Variants in ITPR3 observed in about 807,000 individuals in gnomAD.
The protein encoded by ITPR3 is inositol 1,4,5-trisphosphate receptor type 3.
Under a neutral mutation model 293.2 loss-of-function variants are expected in ITPR3, and 173 were observed. The ratio of observed to expected loss-of-function variants is 0.59; its 90% CI spans 0.52 to 0.67. ITPR3 has a LOEUF of 0.67. Ranked by LOEUF, ITPR3 falls within the 30% of genes least tolerant of loss-of-function variation. The probability of loss-of-function intolerance (pLI) is 0.00; values close to 1 mark genes in which losing one functional copy is unlikely to be tolerated. For synonymous variants in ITPR3, 1,295 were observed against 1,444.4 expected, an observed-to-expected ratio of 0.90 and a Z score of 2.35; for missense variants, 2,796 against 3,592.1, an observed-to-expected ratio of 0.78 and a Z score of 5.66.
chr6:33,688,902 A>C (rs1582166059), intron 49 of ITPR3, 121 bp downstream of exon 49: 3 of 1,326,078 alleles, frequency 2.3e-6, no homozygotes. Context: ...GTGCAGAAGC[A>C]CCCCCTGCGC....
chr6:33,655,979 C>A lies in ITPR3; in HGVS notation c.282+92C>A. 1 of 1,534,402 alleles carries A rather than the reference C, an allele frequency of 6.5e-7. No homozygotes were observed. Among genetic ancestry groups the A allele is most frequent in the Admixed American group, 1.8e-5 (1 of 54,938 alleles). On this transcript the variant is annotated intron_variant, in intron 3 of 57. Coordinates refer to ENST00000605930, the MANE Select transcript of ITPR3 (RefSeq NM_002224.4). The surrounding 1 kb of genome is among the most constrained non-coding windows in gnomAD (Gnocchi z 4.9). ...TGCTGCTTGTCGGAGCCAGTAGGGG[C>A]TCTGTGGCTGAGCTGAGTGGTTTCT...
intron 27 of ITPR3, 151 bp from the exon 28 acceptor site, chr6:33,677,353 C>G: frequency 9.6e-7 from 1 of 1,047,048 alleles, no homozygotes; most frequent in Non-Finnish European, 1.4e-6. Flanking sequence ...TTTAGTGCTT[C>G]CCTAGCCTGT....
rs753506451 is a variant in ITPR3 at position 33,695,751 on chromosome 6, G to A, written c.7987G>A (p.Val2663Met). 2 of 1,614,054 alleles carry A rather than the reference G, an allele frequency of 1.2e-6. No homozygotes were observed. Among genetic ancestry groups the A allele is most frequent in the Non-Finnish European group, 1.7e-6 (2 of 1,180,040 alleles). The change falls in exon 58 of 58, where the codon GTG becomes ATG. Residue 2663 changes from valine (V) to methionine (M), a missense_variant. Around this residue, in one of 8 missense-constraint regions of ITPR3, gnomAD observed 568 missense variants for 796.1 expected, o/e 0.71. Coordinates refer to ENST00000605930, the MANE Select transcript of ITPR3 (RefSeq NM_002224.4). Reference protein sequence around the residue: ...QRKRRQRLGFVDVQNCISR With the variant: ...QRKRRQRLGFMDVQNCISR Reference sequence around the variant, plus strand: ...GAAACGCAGGCAACGCCTAGGCTTTGTGGATGTCCAGAACTGCATTAGCCG... The same window carrying A: ...GAAACGCAGGCAACGCCTAGGCTTTATGGATGTCCAGAACTGCATTAGCCG...
At chr6:33,648,040 A>C (rs1764107443) in intron 2 of ITPR3, among the ~76,000 whole-genome samples, 1 of 150,164 alleles carries the variant, frequency 6.7e-6, no homozygotes, top group South Asian at 2.1e-4. Flanking sequence ...GTGTCTCCAA[A>C]TGTTATGATT....
At chr6:33,634,438 C>G (rs1323774321) in intron 1 of ITPR3, among the ~76,000 whole-genome samples, 2 of 152,192 alleles carry the variant, frequency 1.3e-5, no homozygotes, top group Non-Finnish European at 2.9e-5. Context: ...AGTCCTCACT[C>G]CTGACCGACC....
At chr6:33,661,146 G>A (rs943150425) in intron 7 of ITPR3, among the ~76,000 whole-genome samples, 10 of 152,206 alleles carry the variant, frequency 6.6e-5, no homozygotes, top group Middle Eastern at 3.2e-3. Context: ...TTCTGCCATA[G>A]TAACTGACCC....
In ITPR3 at chr6:33,669,086, A is replaced by G; in HGVS notation, c.2119A>G (p.Ser707Gly). 1 of 1,614,146 alleles carries G rather than the reference A, an allele frequency of 6.2e-7. No individual in the cohort carries two copies. ...CAAGAATAACGAGCATCATGAGAAG[A>G]GTGTGAGGCAGCTGGCCCAGGAGGC... Reference protein sequence around the residue: ...TDKNNEHHEKSVRQLAQEARA... With the variant: ...TDKNNEHHEKGVRQLAQEARA... Residue 707 changes from serine to glycine, a missense_variant, in exon 18 of 58, where the codon AGT becomes GGT. By Grantham distance (56) the Ser-to-Gly change is moderately conservative (BLOSUM62 0). This residue lies in a region of ITPR3 where 955 missense variants were observed against 1,180.8 expected (regional missense o/e 0.81). Transcript: ENST00000605930.
rs199734536 is a variant in ITPR3 at position 33,684,585 on chromosome 6, C to T, written c.5047-13C>T. The T allele has an allele frequency of 1.5e-4, 243 of 1,613,642 alleles. 1 individual carries two copies. In the Middle Eastern group the frequency reaches 4.3e-3, roughly 28 times the overall value. On this transcript the variant is annotated splice_polypyrimidine_tract_variant and intron_variant, in intron 37 of 57. Transcript: ENST00000605930. The surrounding 1 kb of genome is among the most constrained non-coding windows in gnomAD (Gnocchi z 4.2). Reference sequence around the variant, plus strand: ...TGTACCCACAATGGGGCCTCACTCCCATCCTCCCCCAGGGCAACCAGCTGC... The same window carrying T: ...TGTACCCACAATGGGGCCTCACTCCTATCCTCCCCCAGGGCAACCAGCTGC...
chr6:33,632,908 G>A lies in ITPR3; in HGVS notation c.90-7576G>A, dbSNP rs1424806444. Among the ~76,000 whole-genome samples the A allele has an allele frequency of 1.3e-5, 2 of 152,216 alleles. No individual in the cohort carries two copies. Among genetic ancestry groups the A allele is most frequent in the Non-Finnish European group, 2.9e-5 (2 of 68,034 alleles). On this transcript the variant is annotated intron_variant, in intron 1 of 57. Transcript: ENST00000605930. The surrounding 1 kb of genome is among the most constrained non-coding windows in gnomAD (Gnocchi z 4.1). ...ACCACACCCAGCACATAGTAGGCTC[G>A]TGGTGAGGTCTGTCGAGTAGATGGA...
rs764925080 is a variant in ITPR3, at chr6:33,687,299, G to T, written c.6149G>T (p.Gly2050Val). Residue 2050 changes from glycine (G) to valine (V), a missense_variant, in exon 45 of 58, where the codon GGC becomes GTC. Around this residue, in one of 8 missense-constraint regions of ITPR3, gnomAD observed 704 missense variants for 797.5 expected, o/e 0.88. Transcript: ENST00000605930. The surrounding 1 kb of genome is among the most constrained non-coding windows in gnomAD (Gnocchi z 5.3). The part of the protein sequence containing the change: ...ENSEVSPREV[G>V]HNIYILALQL... The stretch of plus-strand genomic sequence containing the variant: ...TCGGAGGTGAGCCCACGTGAAGTGG[G>T]CCATAACATCTATATCCTGGCGCTG... 6.2e-7 allele frequency: 1 copy of T among 1,612,950 alleles called. No individual in the cohort carries two copies. The highest frequency in any genetic ancestry group is 1.7e-5 in the Admixed American group (1 of 59,978).
intron 1 of ITPR3, among the ~76,000 whole-genome samples, chr6:33,636,607 A>G (rs1220328395): frequency 2.0e-5 from 3 of 151,936 alleles, no homozygotes; most frequent in African/African-American, 7.3e-5. Flanking sequence ...TGGAGTTGCC[A>G]TCGACTGAGA....
Position 33,684,711 on chromosome 6 carries a change from C to A in ITPR3, c.5137+23C>A. 1 of 1,612,504 alleles carries A rather than the reference C, an allele frequency of 6.2e-7. No individual in the cohort carries two copies. Among genetic ancestry groups the A allele is most frequent in the Non-Finnish European group, 8.5e-7 (1 of 1,179,024 alleles). On this transcript the variant is annotated intron_variant, in intron 38 of 57. Transcript: ENST00000605930. This position sits in a 1 kb window ranked among gnomAD's most constrained non-coding sequence, Gnocchi z 4.2. ...CTGGTCAGTATCACCTTCCCCTGCCCCCGGGCCCTCCCTTCCACTCTCCTG... is the reference window on the plus strand; with the variant it reads ...CTGGTCAGTATCACCTTCCCCTGCCACCGGGCCCTCCCTTCCACTCTCCTG...
Position 33,654,673 on chromosome 6 carries a change from C to T in ITPR3, c.161-1093C>T, listed in dbSNP as rs1764266757. 1.3e-5 allele frequency among the ~76,000 whole-genome samples: 2 copies of T among 152,180 alleles called. No individual in the cohort carries two copies. The highest frequency in any genetic ancestry group is 4.8e-5 in the African/African-American group (2 of 41,444). On this transcript the variant is annotated intron_variant, in intron 2 of 57. Transcript: ENST00000605930. The surrounding 1 kb of genome is among the most constrained non-coding windows in gnomAD (Gnocchi z 4.1). The stretch of plus-strand genomic sequence containing the variant: ...CGAGTGGCTCTCTCCTCTCCAGTCT[C>T]CCCACACAGCCATCTCCTTTCTGTT...
At position 33,687,033 on chromosome 6, in the gene ITPR3, G is replaced by T; in HGVS notation, c.6004G>T (p.Ala2002Ser). ...GGACAATGCCTCCAAGCTGCTCCTG[G>T]CTCTGATGGAGAGCCGGCATGACAG... ...LKDNASKLLL[A>S]LMESRHDSEN... Residue 2002 changes from alanine (A) to serine (S), a missense_variant, in exon 44 of 58, where the codon GCT becomes TCT. Coordinates refer to ENST00000605930, the MANE Select transcript of ITPR3 (RefSeq NM_002224.4). The surrounding 1 kb of genome is among the most constrained non-coding windows in gnomAD (Gnocchi z 5.3). 6.2e-7 allele frequency: 1 copy of T among 1,613,990 alleles called. No homozygotes were observed. Among genetic ancestry groups the T allele is most frequent in the South Asian group, 1.1e-5 (1 of 91,078 alleles).
At chr6:33,630,267 G>A (rs1192708404) in intron 1 of ITPR3, among the ~76,000 whole-genome samples, 1 of 152,210 alleles carries the variant, frequency 6.6e-6, no homozygotes, top group Non-Finnish European at 1.5e-5. Flanking sequence ...GGATTGATTT[G>A]TCAGGGCTGC....
rs553158430 is a variant in ITPR3 at position 33,624,046 on chromosome 6, G to A, written c.89+2355G>A. On this transcript the variant is annotated intron_variant, in intron 1 of 57. Coordinates refer to ENST00000605930, the MANE Select transcript of ITPR3 (RefSeq NM_002224.4). The surrounding 1 kb of genome is among the most constrained non-coding windows in gnomAD (Gnocchi z 4.7). ...TTACCTTTGCTCTTGGGTTGTTCCC[G>A]CCCTTTAGCAAGCAAGTCTCCACCT... Among the ~76,000 whole-genome samples the A allele has an allele frequency of 1.7e-3, 262 of 152,262 alleles. No individual in the cohort carries two copies. Among genetic ancestry groups the A allele is most frequent in the African/African-American group, 6.2e-3 (258 of 41,544 alleles).
Position 33,664,394 on chromosome 6 carries a change from G to C in ITPR3, c.1149-476G>C, listed in dbSNP as rs1764556492. On this transcript the variant is annotated intron_variant, in intron 11 of 57. Transcript: ENST00000605930. The surrounding 1 kb of genome is among the most constrained non-coding windows in gnomAD (Gnocchi z 4.4). Reference sequence around the variant, plus strand: ...AATTGAGTCACTACATAGGCCCACAGTCCCTTCCCTGAAACTCTTGGGGGT... The same window carrying C: ...AATTGAGTCACTACATAGGCCCACACTCCCTTCCCTGAAACTCTTGGGGGT... Among the ~76,000 whole-genome samples the C allele has an allele frequency of 6.6e-6, 1 of 152,178 alleles. No homozygotes were observed. Among genetic ancestry groups the C allele is most frequent in the African/African-American group, 2.4e-5 (1 of 41,440 alleles).
rs764750465 is a variant in ITPR3, at chr6:33,695,775, C to A, written c.8011C>A (p.Arg2671Ser). Residue 2671 changes from arginine (R) to serine (S), a missense_variant, in exon 58 of 58, where the codon CGC becomes AGC. Arg to Ser is a moderately radical substitution (Grantham distance 110). Coordinates refer to ENST00000605930, the MANE Select transcript of ITPR3 (RefSeq NM_002224.4). ...TGTGGATGTCCAGAACTGCATTAGC[C>A]GCTGAGGAGAGCCACCGAAGGCCCC... The part of the protein sequence containing the change: ...GFVDVQNCIS[R>S] 6.2e-7 allele frequency: 1 copy of A among 1,614,066 alleles called. No homozygotes were observed. The highest frequency in any genetic ancestry group is 1.7e-5 in the Admixed American group (1 of 60,028).
chr6:33,623,756 A>G lies in ITPR3; in HGVS notation c.89+2065A>G, dbSNP rs147934700. Reference sequence around the variant, plus strand: ...CCAGCTTGGCCCTTCCTGCCCCAGGAACTGCTTCCTCCAGTCCACCTTGAT... The same window carrying G: ...CCAGCTTGGCCCTTCCTGCCCCAGGGACTGCTTCCTCCAGTCCACCTTGAT... On this transcript the variant is annotated intron_variant, in intron 1 of 57. Coordinates refer to ENST00000605930, the MANE Select transcript of ITPR3 (RefSeq NM_002224.4). Among the ~76,000 whole-genome samples, 1,008 of 152,214 alleles carry G rather than the reference A, an allele frequency of 6.6e-3. 11 individuals are homozygous for G. The highest frequency in any genetic ancestry group is 0.023 in the African/African-American group (944 of 41,524).
Sources: gnomAD v4.1 joint callset for allele counts (sites outside exome capture counted in the v4.1 genomes callset) on GRCh38, gnomAD v4.1.1 for gene constraint, gnomAD v4.1.1 regional missense constraint, Gnocchi (gnomAD v3.1) non-coding constraint, MANE v1.5 for transcripts, NCBI Gene and HGNC (gene_info 2026-07-23, HGNC 2026-07-21) for gene names.